DCAF12: variants seen among roughly 807,000 people sequenced by gnomAD.
The protein encoded by DCAF12 is DDB1 and CUL4 associated factor 12.
DCAF12 carries 28 observed loss-of-function variants against 52.8 expected under a neutral mutation model. The ratio of observed to expected loss-of-function variants is 0.53; its 90% CI spans 0.39 to 0.73. DCAF12 has a LOEUF of 0.73. Among genes scored for constraint, DCAF12 ranks in the 30% least tolerant of loss-of-function variants. The pLI is 0.00. For synonymous variants in DCAF12, 196 were observed against 215.5 expected, an observed-to-expected ratio of 0.91 and a Z score of 0.79; for missense variants, 425 against 552.2, an observed-to-expected ratio of 0.77 and a Z score of 2.31.
chr9:34,125,592 G>C lies in DCAF12; in HGVS notation c.79-315C>G, dbSNP rs180696117. On this transcript the variant is annotated intron_variant, in intron 1 of 8. Coordinates refer to ENST00000361264, the MANE Select transcript of DCAF12 (RefSeq NM_015397.4). ...AAGATTGAAGGAAATGAGAGGTAGA[G>C]TGATTCCCATACCGACATGGGCTGC... 17 of 494,160 alleles carry C rather than the reference G, an allele frequency of 3.4e-5. No homozygotes were observed. In the East Asian group the frequency reaches 1.0e-3, roughly 30 times the overall value. 30.6% of individuals were successfully genotyped at this position (494,160 alleles called of 1,614,324 possible). A position where few individuals can be genotyped will look rare whatever the true frequency, so the allele number is the denominator to read the frequency against.
intron 2 of DCAF12, among the ~76,000 whole-genome samples, chr9:34,122,858 T>C (rs1829195741): frequency 6.6e-6 from 1 of 152,234 alleles, no homozygotes; most frequent in Non-Finnish European, 1.5e-5. Flanking sequence ...CTGTAGTTCT[T>C]TGCAGCCCCT....
At position 34,107,373 on chromosome 9, in the gene DCAF12, C is replaced by T; in HGVS notation, c.526G>A (p.Val176Met). 6.2e-7 allele frequency: 1 copy of T among 1,614,080 alleles called. No homozygotes were observed. The highest frequency in any genetic ancestry group is 8.5e-7 in the Non-Finnish European group (1 of 1,179,980). ...AIYRLPTLDP[V>M]CVGDDGHKDW... The stretch of plus-strand genomic sequence containing the variant: ...GGAAAACTTACATCTCCTACACACA[C>T]AGGATCCAGCGTAGGTAGTCGATAG... The change falls in exon 3 of 9, where the codon GTG becomes ATG. Residue 176 changes from valine (V) to methionine (M), a missense_variant. Around this residue, in one of 3 missense-constraint regions of DCAF12, gnomAD observed 328 missense variants for 444.4 expected, o/e 0.74. Transcript: ENST00000361264.
rs2131428461 is a variant in DCAF12 at position 34,096,717 on chromosome 9, T to C, written c.860A>G (p.Lys287Arg). 1.2e-6 allele frequency: 2 copies of C among 1,613,672 alleles called. No individual in the cohort carries two copies. Among genetic ancestry groups the C allele is most frequent in the Non-Finnish European group, 1.7e-6 (2 of 1,179,642 alleles). The stretch of plus-strand genomic sequence containing the variant: ...ACCACAAAATCATGTTCATCACACC[T>C]TAGATAGTGTATTTTCAGCCTTCCA... ...HLWKAENTLS[K>R]LLSTKLPYCR... Residue 287 changes from lysine to arginine, a missense_variant and splice_region_variant, in exon 6 of 9, where the codon AAG becomes AGG. By Grantham distance (26) the Lys-to-Arg change is conservative. This residue lies in a region of DCAF12 where 328 missense variants were observed against 444.4 expected (regional missense o/e 0.74). Coordinates refer to ENST00000361264, the MANE Select transcript of DCAF12 (RefSeq NM_015397.4).
intron 4 of DCAF12, among the ~76,000 whole-genome samples, chr9:34,103,645 G>A (rs1006715002): frequency 1.3e-5 from 2 of 152,042 alleles, no homozygotes; most frequent in Admixed American, 1.3e-4. Context: ...CTTGAGCCTA[G>A]GAGTTTGACA....
intron 6 of DCAF12, among the ~76,000 whole-genome samples, chr9:34,094,360 C>T (rs568476552): frequency 1.1e-4 from 16 of 151,502 alleles, no homozygotes; most frequent in African/African-American, 1.7e-4. Flanking sequence ...GAGCTGAGAT[C>T]GTGCCACTGC....
chr9:34,121,540 T>C (rs1184651036), intron 2 of DCAF12, among the ~76,000 whole-genome samples: 3 of 152,084 alleles, frequency 2.0e-5, no homozygotes, highest in Admixed American at 6.6e-5. Context: ...GTGCTGACAA[T>C]GGGAAATAAG....
intron 2 of DCAF12, among the ~76,000 whole-genome samples, chr9:34,108,587 T>C (rs1828942081): frequency 6.6e-6 from 1 of 151,780 alleles, no homozygotes; most frequent in South Asian, 2.1e-4. Flanking sequence ...AGCTTGAGAG[T>C]TCGAGATCAG....
In DCAF12 at chr9:34,088,161, A is replaced by G; in HGVS notation, c.*189T>C. 1 of 490,362 alleles carries G rather than the reference A, an allele frequency of 2.0e-6. No homozygotes were observed. The highest frequency in any genetic ancestry group is 3.3e-6 in the Non-Finnish European group (1 of 299,694). The allele number at this position is 490,362 out of a possible 1,614,324, so 30.4% of individuals were successfully genotyped here. On this transcript the variant is annotated 3_prime_UTR_variant, in exon 9 of 9. Coordinates refer to ENST00000361264, the MANE Select transcript of DCAF12 (RefSeq NM_015397.4). ...TAAAATTTTGATTACCAAAGGGGAA[A>G]ACAAAAAGCAAAACAACTTTCAGAT...
chr9:34,099,111 A>C (rs1015207669), intron 4 of DCAF12, among the ~76,000 whole-genome samples: 1 of 149,930 alleles, frequency 6.7e-6, no homozygotes, highest in Admixed American at 6.7e-5. Context: ...TCTATCACCC[A>C]GGCTGGAGTG....
At chr9:34,088,657 C>G in intron 8 of DCAF12, 149 bp from the exon 9 acceptor site, 1 of 836,824 alleles carries the variant, frequency 1.2e-6, no homozygotes, top group South Asian at 1.7e-5. Context: ...GGTTGGTTCT[C>G]ATGGGAATCA....
At chr9:34,121,342 C>T (rs1242613376) in intron 2 of DCAF12, among the ~76,000 whole-genome samples, 1 of 152,156 alleles carries the variant, frequency 6.6e-6, no homozygotes, top group Non-Finnish European at 1.5e-5. Flanking sequence ...CCATCTGGAG[C>T]AAAGTGCTAT....
Position 34,125,247 on chromosome 9 carries a change from T to C in DCAF12, c.109A>G (p.Lys37Glu). 1 of 1,614,172 alleles carries C rather than the reference T, an allele frequency of 6.2e-7. No individual in the cohort carries two copies. Among genetic ancestry groups the C allele is most frequent in the Non-Finnish European group, 8.5e-7 (1 of 1,180,034 alleles). ...FGWDHSLHKR[K>E]RLPPVKRSLV... ...GATCTCTTCACAGGAGGAAGTCTTT[T>C]CCTTTTGTGAAGCGAGTGATCCCAG... The change falls in exon 2 of 9, where the codon AAA becomes GAA. Residue 37 changes from lysine to glutamate, a missense_variant. By Grantham distance (56) the Lys-to-Glu change is moderately conservative. This residue lies in a region of DCAF12 where 89 missense variants were observed against 84.9 expected (regional missense o/e 1.05). Coordinates refer to ENST00000361264, the MANE Select transcript of DCAF12 (RefSeq NM_015397.4).
Position 34,086,861 on chromosome 9 carries a change from CAA to C in DCAF12, c.*1487_*1488del, listed in dbSNP as rs1214543739. On this transcript the variant is annotated 3_prime_UTR_variant, in exon 9 of 9. Coordinates refer to ENST00000361264, the MANE Select transcript of DCAF12 (RefSeq NM_015397.4). ...GAGAAGAGGGGGACAACTGGGAGAA[CAA>C]GTTAAAAAACTGGGGTGCAGGAATA... 2 of 152,084 alleles carry C rather than the reference CAA, an allele frequency of 1.3e-5. No homozygotes were observed. The highest frequency in any genetic ancestry group is 2.9e-5 in the Non-Finnish European group (2 of 68,002). 9.4% of individuals were successfully genotyped at this position (152,084 alleles called of 1,614,324 possible). A position where few individuals can be genotyped will look rare whatever the true frequency, so the allele number is the denominator to read the frequency against.
Position 34,125,200 on chromosome 9 carries a change from G to T in DCAF12, c.156C>A (p.Asn52Lys). 1 of 1,614,150 alleles carries T rather than the reference G, an allele frequency of 6.2e-7. No individual in the cohort carries two copies. The highest frequency in any genetic ancestry group is 8.5e-7 in the Non-Finnish European group (1 of 1,180,036). ...TTTCATTCTGTAGCCTGACTTCCCGGTTCTTCAAGTAGTATACTAAGGATC... is the reference window on the plus strand; with the variant it reads ...TTTCATTCTGTAGCCTGACTTCCCGTTTCTTCAAGTAGTATACTAAGGATC... ...VKRSLVYYLKNREVRLQNETS... is the reference protein window; with the variant it reads ...VKRSLVYYLKKREVRLQNETS... The change falls in exon 2 of 9, where the codon AAC (asparagine) becomes AAA (lysine). Residue 52 changes from asparagine to lysine, a missense_variant. Asn to Lys is a moderately conservative substitution (Grantham distance 94). This residue lies in a region of DCAF12 where 89 missense variants were observed against 84.9 expected (regional missense o/e 1.05). Coordinates refer to ENST00000361264, the MANE Select transcript of DCAF12 (RefSeq NM_015397.4).
chr9:34,126,627 G>A lies in DCAF12; in HGVS notation c.-196C>T, dbSNP rs1056254585. On this transcript the variant is annotated 5_prime_UTR_variant, in exon 1 of 9. Coordinates refer to ENST00000361264, the MANE Select transcript of DCAF12 (RefSeq NM_015397.4). ...AAGAGAGAGGAAGGACTTGAGCCGGGAAAGGGAAGGGGAAGCGAGAATGAG... is the reference window on the plus strand; with the variant it reads ...AAGAGAGAGGAAGGACTTGAGCCGGAAAAGGGAAGGGGAAGCGAGAATGAG... 20 of 629,764 alleles carry A rather than the reference G, an allele frequency of 3.2e-5. No individual in the cohort carries two copies. Among genetic ancestry groups the A allele is most frequent in the Non-Finnish European group, 5.3e-5 (20 of 374,762 alleles). The allele number at this position is 629,764 out of a possible 1,614,324, so 39.0% of individuals were successfully genotyped here. A position where few individuals can be genotyped will look rare whatever the true frequency, so the allele number is the denominator to read the frequency against.
chr9:34,093,283 T>C lies in DCAF12; in HGVS notation c.1024+3A>G, dbSNP rs776501968. On this transcript the variant is annotated splice_donor_region_variant and intron_variant, in intron 7 of 8. Transcript: ENST00000361264. ...GGCCTGAGGTGCACACAGGGACTCT[T>C]ACCACTGCCTCGCTCCCTGGAACAG... 16 of 1,614,072 alleles carry C rather than the reference T, an allele frequency of 9.9e-6. No individual in the cohort carries two copies. The highest frequency in any genetic ancestry group is 1.4e-5 in the Non-Finnish European group (16 of 1,180,032).
At chr9:34,122,187 A>C (rs1292046629) in intron 2 of DCAF12, among the ~76,000 whole-genome samples, 4 of 151,314 alleles carry the variant, frequency 2.6e-5, no homozygotes, top group Non-Finnish European at 4.4e-5. Flanking sequence ...TTCCCACACC[A>C]CCCCCCCAAA....
chr9:34,126,024 T>C (rs1476234550), intron 1 of DCAF12, among the ~76,000 whole-genome samples: 1 of 152,164 alleles, frequency 6.6e-6, no homozygotes, highest in Non-Finnish European at 1.5e-5. Context: ...TAGAGTTCAC[T>C]CTACCAGAGT....
At chr9:34,119,310 T>C (rs988113266) in intron 2 of DCAF12, among the ~76,000 whole-genome samples, 1 of 152,212 alleles carries the variant, frequency 6.6e-6, no homozygotes, top group Non-Finnish European at 1.5e-5. Context: ...ATACAGAAAT[T>C]TAAAATGCAA....
Sources: gnomAD v4.1 joint callset for allele counts (sites outside exome capture counted in the v4.1 genomes callset) on GRCh38, gnomAD v4.1.1 for gene constraint, gnomAD v4.1.1 regional missense constraint, MANE v1.5 for transcripts, NCBI Gene and HGNC (gene_info 2026-07-23, HGNC 2026-07-21) for gene names.